FGGY: variants seen among roughly 807,000 people sequenced by gnomAD.
The protein encoded by FGGY is FGGY carbohydrate kinase domain containing, also known as FGGY carbohydrate kinase domain-containing protein.
In FGGY, 72 loss-of-function variants were observed where a neutral mutation model predicts 71.3. The observed-to-expected ratio is 1.01, with a 90% confidence interval of 0.84 to 1.23. The LOEUF is 1.23. FGGY is among the 50% of genes most tolerant of loss of function. The probability of loss-of-function intolerance (pLI) is 0.00; values close to 1 mark genes in which losing one functional copy is unlikely to be tolerated. For synonymous variants in FGGY, 251 were observed against 250.3 expected (o/e 1.00, Z -0.02); for missense variants, 668 against 682.3 (o/e 0.98, Z 0.23).
At position 59,601,383 on chromosome 1, in the gene FGGY, G is replaced by A. The variant is rs113346281; in HGVS notation, c.904-6420G>A. Reference sequence around the variant, plus strand: ...GTCACCACAGGGAAACTCGGCTGACGGGCACATTGCCTTAGATGAAACTAA... The same window carrying A: ...GTCACCACAGGGAAACTCGGCTGACAGGCACATTGCCTTAGATGAAACTAA... On this transcript the variant is annotated intron_variant, in intron 8 of 15. Coordinates refer to ENST00000303721, the MANE Select transcript of FGGY (RefSeq NM_018291.5). Among the ~76,000 whole-genome samples, 741 of 152,264 alleles carry A rather than the reference G, an allele frequency of 4.9e-3. 15 individuals carry two copies. Among genetic ancestry groups the A allele is most frequent in the African/African-American group, 0.017 (689 of 41,554 alleles).
chr1:59,488,347 A>C (rs1056066589), intron 6 of FGGY, among the ~76,000 whole-genome samples: 3 of 151,832 alleles, frequency 2.0e-5, no homozygotes, highest in African/African-American at 7.2e-5. Flanking sequence ...AACTCTTTAA[A>C]ATAGATTTTT....
Position 59,591,018 on chromosome 1 carries a change from G to A in FGGY, c.904-16785G>A, listed in dbSNP as rs370197778. Among the ~76,000 whole-genome samples, 200 of 152,076 alleles carry A rather than the reference G, an allele frequency of 1.3e-3. 1 individual carries two copies. Among genetic ancestry groups the A allele is most frequent in the Middle Eastern group, 0.01 (3 of 294 alleles). On this transcript the variant is annotated intron_variant, in intron 8 of 15. Transcript: ENST00000303721. Reference sequence around the variant, plus strand: ...CAAATTGTCCCTGTTTGCAGATGACGTGATTGTATATCTAGAAAACCCCAT... The same window carrying A: ...CAAATTGTCCCTGTTTGCAGATGACATGATTGTATATCTAGAAAACCCCAT...
chr1:59,356,282 G>T (rs901605201), intron 4 of FGGY, among the ~76,000 whole-genome samples: 1 of 152,166 alleles, frequency 6.6e-6, no homozygotes, highest in African/African-American at 2.4e-5. Flanking sequence ...TCCAGATGGC[G>T]AATTTCTTGG....
chr1:59,532,802 T>C (rs2095186705), intron 7 of FGGY, among the ~76,000 whole-genome samples: 1 of 151,678 alleles, frequency 6.6e-6, no homozygotes, highest in Non-Finnish European at 1.5e-5. Flanking sequence ...AAATGGAAAA[T>C]ATAAGAATTA....
At chr1:59,405,167 A>C (rs1238924518) in intron 5 of FGGY, among the ~76,000 whole-genome samples, 1 of 152,204 alleles carries the variant, frequency 6.6e-6, no homozygotes, top group East Asian at 1.9e-4. Context: ...CTTTAATTAG[A>C]ATTTAATTAT....
At chr1:59,503,594 C>CATATATATATATATATAT (rs71046332) in intron 6 of FGGY, among the ~76,000 whole-genome samples, 290 of 127,596 alleles carry the variant, frequency 2.3e-3, no homozygotes, top group African/African-American at 8.6e-3. Flanking sequence ...GTGGTGTCGC[C>CATATATATATATATATAT]ATATATATAT....
At chr1:59,549,049 G>T (rs1390849108) in intron 7 of FGGY, among the ~76,000 whole-genome samples, 1 of 152,194 alleles carries the variant, frequency 6.6e-6, no homozygotes, top group African/African-American at 2.4e-5. Context: ...ATGAATGTTA[G>T]TCAAAATAAT....
chr1:59,393,498 T>C (rs1451161867), intron 5 of FGGY, among the ~76,000 whole-genome samples: 1 of 152,216 alleles, frequency 6.6e-6, no homozygotes, highest in South Asian at 2.1e-4. Context: ...AGGGGGTGTT[T>C]GTAAGTTTAG....
chr1:59,431,583 C>T (rs1186423747), intron 5 of FGGY, among the ~76,000 whole-genome samples: 1 of 152,164 alleles, frequency 6.6e-6, no homozygotes, highest in Non-Finnish European at 1.5e-5. Flanking sequence ...CATCCAGGAA[C>T]CCAGGTAGCT....
Position 59,449,805 on chromosome 1 carries a change from TA to T in FGGY, c.555-7148del, listed in dbSNP as rs113757244. ...TAGTGAGACCCCCATCTCTAAAAAA[TA>T]AAAAAAAGAAAAAGTAATCTGGGCA... On this transcript the variant is annotated intron_variant, in intron 5 of 15. Coordinates refer to ENST00000303721, the MANE Select transcript of FGGY (RefSeq NM_018291.5). 5.7e-3 allele frequency among the ~76,000 whole-genome samples: 863 copies of T among 151,492 alleles called. 8 individuals are homozygous for T. Among genetic ancestry groups the T allele is most frequent in the African/African-American group, 0.02 (834 of 41,314 alleles).
chr1:59,722,363 A>G (rs1220784291), intron 14 of FGGY, among the ~76,000 whole-genome samples: 1 of 152,120 alleles, frequency 6.6e-6, no homozygotes, highest in Non-Finnish European at 1.5e-5. Flanking sequence ...CTTCCTTTTT[A>G]CACTGTACTC....
rs1372749778 is a variant in FGGY at position 59,468,974 on chromosome 1, TGCAGTATTG to T, written c.670+11901_670+11909del. On this transcript the variant is annotated intron_variant, in intron 6 of 15. Coordinates refer to ENST00000303721, the MANE Select transcript of FGGY (RefSeq NM_018291.5). ...TGAACAGAGCCACCTCAGGCAAGGG[TGCAGTATTG>T]GCTTTGGTCACACTGAATCAAAGTT... 2.0e-5 allele frequency among the ~76,000 whole-genome samples: 3 copies of T among 149,822 alleles called. No individual in the cohort carries two copies. In the East Asian group the frequency reaches 5.9e-4, roughly 30 times the overall value.
At chr1:59,671,632 A>C (rs2097378414) in intron 13 of FGGY, among the ~76,000 whole-genome samples, 1 of 152,238 alleles carries the variant, frequency 6.6e-6, no homozygotes, top group Non-Finnish European at 1.5e-5. Context: ...CTTCAGAAGT[A>C]AGGTAAACTT....
At chr1:59,296,682 C>CGGGGGCCGCGCTTT (rs1198538659), upstream of FGGY, 37 of 144,674 alleles carry the variant, frequency 2.6e-4, 1 homozygote, top group African/African-American at 9.2e-4. Flanking sequence ...CCGCGCTTTA[C>CGGGGGCCGCGCTTT]AGGGGCCGCG....
intron 8 of FGGY, among the ~76,000 whole-genome samples, chr1:59,599,336 C>T (rs1475914059): frequency 6.8e-6 from 1 of 148,014 alleles, no homozygotes; most frequent in Non-Finnish European, 1.5e-5. Context: ...AACTCCTGAC[C>T]TCCCAGTGAT....
chr1:59,386,492 C>A (rs1002085380), intron 5 of FGGY, among the ~76,000 whole-genome samples: 7 of 152,194 alleles, frequency 4.6e-5, no homozygotes, highest in Admixed American at 2.6e-4. Flanking sequence ...ACTTGATCAC[C>A]TGGCTGAGAT....
At chr1:59,608,936 G>C (rs944012418) in intron 9 of FGGY, among the ~76,000 whole-genome samples, 1 of 152,184 alleles carries the variant, frequency 6.6e-6, no homozygotes, top group Admixed American at 6.5e-5. Flanking sequence ...AATTATTAAG[G>C]CTGTCCAATA....
At chr1:59,715,509 G>T (rs922777911) in intron 14 of FGGY, among the ~76,000 whole-genome samples, 2 of 152,156 alleles carry the variant, frequency 1.3e-5, no homozygotes, top group South Asian at 2.1e-4. Flanking sequence ...TTTGGTCTTG[G>T]TTCTAATACA....
At chr1:59,441,755 C>G (rs77827290) in intron 5 of FGGY, among the ~76,000 whole-genome samples, 1,782 of 152,306 alleles carry the variant, frequency 0.012, 33 homozygotes, top group African/African-American at 0.04. Context: ...TGAATGATGG[C>G]TTCACCATGT....
Sources: gnomAD v4.1 joint callset for allele counts (sites outside exome capture counted in the v4.1 genomes callset) on GRCh38, gnomAD v4.1.1 for gene constraint, MANE v1.5 for transcripts, NCBI Gene and HGNC (gene_info 2026-07-23, HGNC 2026-07-21) for gene names.